Variants in DPP10 observed in about 807,000 individuals in gnomAD.
The protein encoded by DPP10 is dipeptidyl peptidase like 10.
Under a neutral mutation model 120.9 loss-of-function variants are expected in DPP10, and 33 were observed. The observed-to-expected ratio is 0.27, with a 90% CI of 0.21 to 0.37. DPP10 has a LOEUF of 0.37. Ranked by LOEUF, DPP10 falls within the 10% of genes least tolerant of loss-of-function variation. The pLI, the probability that DPP10 is intolerant of heterozygous loss-of-function variation, is 1.00. For missense variants in DPP10, 816 were observed against 942.8 expected, an observed-to-expected ratio of 0.87 and a Z score of 1.76; for synonymous variants, 337 against 326.1, an observed-to-expected ratio of 1.03 and a Z score of -0.36.
At chr2:114,681,642 T>A (rs1231907831) in intron 1 of DPP10, among the ~76,000 whole-genome samples, 1 of 151,940 alleles carries the variant, frequency 6.6e-6, no homozygotes, top group Non-Finnish European at 1.5e-5. Context: ...GCAGGGAATA[T>A]CTGTGCATTG....
At chr2:114,880,343 T>A (rs950258654) in intron 1 of DPP10, among the ~76,000 whole-genome samples, 2 of 152,162 alleles carry the variant, frequency 1.3e-5, no homozygotes, top group African/African-American at 4.8e-5. Context: ...TTATTCTATT[T>A]TCATATTCGA....
chr2:114,650,038 C>A (rs1696459993), intron 1 of DPP10, among the ~76,000 whole-genome samples: 1 of 152,044 alleles, frequency 6.6e-6, no homozygotes, highest in Non-Finnish European at 1.5e-5. Flanking sequence ...CCATGTTATA[C>A]ATTTTATTTT....
intron 1 of DPP10, among the ~76,000 whole-genome samples, chr2:115,272,342 A>G (rs1458570829): frequency 6.6e-6 from 1 of 152,234 alleles, no homozygotes; most frequent in Non-Finnish European, 1.5e-5. Context: ...AATTGCTTAG[A>G]AAAATATTAT....
intron 10 of DPP10, among the ~76,000 whole-genome samples, chr2:115,752,536 A>G (rs948456760): frequency 6.6e-6 from 1 of 152,204 alleles, no homozygotes; most frequent in Non-Finnish European, 1.5e-5. Context: ...AATAAATAAG[A>G]TAATTAACAA....
At chr2:115,275,364 A>G (rs946333981) in intron 1 of DPP10, among the ~76,000 whole-genome samples, 4 of 152,256 alleles carry the variant, frequency 2.6e-5, no homozygotes, top group Admixed American at 1.3e-4. Context: ...AAATATTTAC[A>G]TAACGAATCT....
chr2:115,057,384 G>A (rs917842271), intron 1 of DPP10, among the ~76,000 whole-genome samples: 1 of 151,906 alleles, frequency 6.6e-6, no homozygotes, highest in South Asian at 2.1e-4. Flanking sequence ...TTTTTTTTTA[G>A]GTCTTATATT....
At chr2:114,532,232 G>A (rs1427429710) in intron 1 of DPP10, among the ~76,000 whole-genome samples, 5 of 137,190 alleles carry the variant, frequency 3.6e-5, no homozygotes, top group African/African-American at 5.7e-5. Flanking sequence ...ATAACTGCAC[G>A]AGCCAATTCC....
At chr2:114,773,018 G>A (rs1237436110) in intron 1 of DPP10, among the ~76,000 whole-genome samples, 1 of 152,072 alleles carries the variant, frequency 6.6e-6, no homozygotes, top group African/African-American at 2.4e-5. Flanking sequence ...AATTCTCAAA[G>A]CCTTCATTTT....
In DPP10 at chr2:114,821,862, A is replaced by G. The variant is rs560674073; in HGVS notation, c.60+379024A>G. Among the ~76,000 whole-genome samples the G allele has an allele frequency of 2.0e-3, 308 of 152,288 alleles. 2 individuals are homozygous for G. Among genetic ancestry groups the G allele is most frequent in the African/African-American group, 7.1e-3 (294 of 41,574 alleles). ...ATGCTGGTGTAAGAAGTTGGCTCCC[A>G]CAGCCTTAGGCAGCTCCACCCCTGT... On this transcript the variant is annotated intron_variant, in intron 1 of 25. Transcript: ENST00000410059.
intron 19 of DPP10, among the ~76,000 whole-genome samples, chr2:115,804,352 T>G (rs1685649593): frequency 1.3e-5 from 2 of 152,176 alleles, no homozygotes; most frequent in African/African-American, 4.8e-5. Flanking sequence ...TTCAAAGTTT[T>G]TAACTTCTTT....
At chr2:115,095,822 C>A (rs1251552180) in intron 1 of DPP10, among the ~76,000 whole-genome samples, 2 of 151,456 alleles carry the variant, frequency 1.3e-5, no homozygotes, top group East Asian at 3.9e-4. Context: ...ATCAAAGGAG[C>A]CAAAAGCCAT....
chr2:115,804,399 G>A (rs889929865), intron 19 of DPP10, among the ~76,000 whole-genome samples: 1 of 152,122 alleles, frequency 6.6e-6, no homozygotes, highest in African/African-American at 2.4e-5. Context: ...GCTCGGAGTA[G>A]TTTGATCTTC....
chr2:114,546,470 A>G (rs959421365), intron 1 of DPP10, among the ~76,000 whole-genome samples: 1 of 152,220 alleles, frequency 6.6e-6, no homozygotes, highest in Non-Finnish European at 1.5e-5. Flanking sequence ...AACACTGGGG[A>G]TAACATTTCA....
At chr2:114,889,566 T>C (rs1282695719) in intron 1 of DPP10, among the ~76,000 whole-genome samples, 2 of 152,184 alleles carry the variant, frequency 1.3e-5, no homozygotes, top group East Asian at 3.9e-4. Flanking sequence ...TTTTAAACAT[T>C]CTATATAATA....
Position 114,646,636 on chromosome 2 carries a change from C to CAGCA in DPP10, c.60+203799_60+203802dup, listed in dbSNP as rs143171396. On this transcript the variant is annotated intron_variant, in intron 1 of 25. Transcript: ENST00000410059. ...AAGGGACAAATGAACAAGGAGGAGA[C>CAGCA]AGCACTAAGTCCTACTCATTTCCAA... Among the ~76,000 whole-genome samples the CAGCA allele has an allele frequency of 9.1e-3, 1,384 of 152,268 alleles. 11 individuals are homozygous for CAGCA. Among genetic ancestry groups the CAGCA allele is most frequent in the African/African-American group, 0.032 (1,316 of 41,548 alleles).
At chr2:115,523,004 G>A (rs2077908204) in intron 4 of DPP10, among the ~76,000 whole-genome samples, 1 of 152,134 alleles carries the variant, frequency 6.6e-6, no homozygotes, top group African/African-American at 2.4e-5. Context: ...ATTGACCTAA[G>A]ATTTCCAACA....
chr2:115,540,312 T>C (rs1487924249), intron 5 of DPP10, among the ~76,000 whole-genome samples: 1 of 151,952 alleles, frequency 6.6e-6, no homozygotes, highest in African/African-American at 2.4e-5. Flanking sequence ...CACACATTTT[T>C]CTTCCCTTTT....
intron 1 of DPP10, among the ~76,000 whole-genome samples, chr2:115,228,925 CT>C (rs1034892745): frequency 6.6e-5 from 10 of 152,178 alleles, no homozygotes; most frequent in Admixed American, 5.9e-4. Context: ...TATAATAGCT[CT>C]ATTTTTAGTC....
chr2:114,743,661 G>A (rs1678284553), intron 1 of DPP10, among the ~76,000 whole-genome samples: 1 of 152,124 alleles, frequency 6.6e-6, no homozygotes, highest in South Asian at 2.1e-4. Context: ...TTCTCTTTGT[G>A]ACTGTTTTCT....
Sources: allele counts gnomAD v4.1 joint callset (sites outside exome capture counted in the v4.1 genomes callset), GRCh38; gene constraint gnomAD v4.1.1; transcripts MANE v1.5; gene names NCBI Gene and HGNC (gene_info 2026-07-23, HGNC 2026-07-21).